Variants in ALK observed in about 807,000 individuals in gnomAD.
The protein encoded by ALK is ALK tyrosine kinase receptor.
Under a neutral mutation model 163.1 loss-of-function variants are expected in ALK, and 74 were observed. That is an observed-to-expected ratio of 0.45 (90% confidence interval 0.38 to 0.55). ALK has a LOEUF of 0.55. ALK is among the 20% of genes least tolerant of loss of function. ALK has a pLI of 0.00. For synonymous variants in ALK, 960 were observed against 843.2 expected, an observed-to-expected ratio of 1.14 and a Z score of -2.40; for missense variants, 2,063 against 2,105.3, an observed-to-expected ratio of 0.98 and a Z score of 0.39.
chr2:29,614,050 C>T (rs535663884), intron 3 of ALK, among the ~76,000 whole-genome samples: 3 of 152,260 alleles, frequency 2.0e-5, no homozygotes, highest in East Asian at 1.9e-4. Flanking sequence ...GGAGACTCAC[C>T]GGGGGCATCA....
intron 3 of ALK, among the ~76,000 whole-genome samples, chr2:29,677,670 A>C (rs1677926897): frequency 1.3e-5 from 2 of 152,072 alleles, no homozygotes; most frequent in Non-Finnish European, 2.9e-5. Flanking sequence ...ATCCGTTGCT[A>C]AATATGGTTT....
chr2:29,364,024 A>G (rs1668445605), intron 5 of ALK, among the ~76,000 whole-genome samples: 1 of 152,234 alleles, frequency 6.6e-6, no homozygotes, highest in East Asian at 1.9e-4. Flanking sequence ...GTGTCACCCA[A>G]CCTCACAGTT....
At chr2:29,195,055 G>A (rs763106089) in intron 28 of ALK, among the ~76,000 whole-genome samples, 1 of 152,146 alleles carries the variant, frequency 6.6e-6, no homozygotes, top group African/African-American at 2.4e-5. Flanking sequence ...AAAAACACGA[G>A]TGTTCGAGTT....
chr2:29,445,343 C>G (rs1427262153), intron 4 of ALK, among the ~76,000 whole-genome samples: 4 of 152,178 alleles, frequency 2.6e-5, no homozygotes, highest in Non-Finnish European at 1.5e-5. Flanking sequence ...CTATAAGCTG[C>G]TTATATTTTC....
At chr2:29,224,897 C>T (rs914002257) in intron 19 of ALK, among the ~76,000 whole-genome samples, 5 of 152,326 alleles carry the variant, frequency 3.3e-5, no homozygotes, top group Admixed American at 2.6e-4. Context: ...AAGCCTCTGC[C>T]CATCTGTCCT....
chr2:29,196,745 T>A (rs2148141640), intron 28 of ALK, 25 bp downstream of exon 28: 1 of 1,564,258 alleles, frequency 6.4e-7, no homozygotes, highest in Non-Finnish European at 8.8e-7. Flanking sequence ...GAGTAAATGT[T>A]GACCAAAGGG....
intron 3 of ALK, among the ~76,000 whole-genome samples, chr2:29,543,753 T>C (rs112684431): frequency 0.014 from 2,204 of 152,358 alleles, 24 homozygotes; most frequent in Middle Eastern, 0.031. Context: ...CTGGCCACTT[T>C]GTTTTTCCAT....
chr2:29,628,867 AG>A (rs1676275313), intron 3 of ALK, among the ~76,000 whole-genome samples: 1 of 152,240 alleles, frequency 6.6e-6, no homozygotes, highest in African/African-American at 2.4e-5. Context: ...ATACAGATTT[AG>A]CATGTTCAAG....
intron 19 of ALK, 133 bp downstream of exon 19, chr2:29,225,328 C>T (rs2148175949): frequency 2.3e-6 from 2 of 863,112 alleles, no homozygotes; most frequent in Non-Finnish European, 3.7e-6. Flanking sequence ...CTGGGCTGCC[C>T]TAATCACCAC....
intron 2 of ALK, among the ~76,000 whole-genome samples, chr2:29,696,392 G>A (rs1046385041): frequency 6.6e-6 from 1 of 151,974 alleles, no homozygotes; most frequent in Non-Finnish European, 1.5e-5. Flanking sequence ...CGAGGGGTGG[G>A]GGACTAGGGA....
intron 1 of ALK, among the ~76,000 whole-genome samples, chr2:29,836,367 G>T (rs568441625): frequency 6.6e-6 from 1 of 152,098 alleles, no homozygotes; most frequent in Non-Finnish European, 1.5e-5. Flanking sequence ...GTAGAGAGGG[G>T]CTCTCTGCTA....
intron 4 of ALK, among the ~76,000 whole-genome samples, chr2:29,496,172 T>C (rs1294254119): frequency 1.3e-5 from 2 of 152,246 alleles, no homozygotes; most frequent in African/African-American, 4.8e-5. Context: ...ATGCAAAAGA[T>C]TATAGCTATT....
intron 3 of ALK, among the ~76,000 whole-genome samples, chr2:29,649,425 T>G (rs916067029): frequency 1.3e-5 from 2 of 152,162 alleles, no homozygotes; most frequent in African/African-American, 2.4e-5. Flanking sequence ...GATCCTTGGT[T>G]GTTCTTTATG....
At chr2:29,890,096 T>G (rs1667106291) in intron 1 of ALK, among the ~76,000 whole-genome samples, 1 of 152,212 alleles carries the variant, frequency 6.6e-6, no homozygotes, top group African/African-American at 2.4e-5. Context: ...CTGCTGGGTC[T>G]TTAACCAGGC....
At chr2:29,682,157 G>A (rs1249399841) in intron 3 of ALK, among the ~76,000 whole-genome samples, 1 of 152,128 alleles carries the variant, frequency 6.6e-6, no homozygotes, top group Non-Finnish European at 1.5e-5. Context: ...TTAGGCTTTT[G>A]ATGGCAAAGA....
At chr2:29,222,469 A>G (rs760541864) in intron 21 of ALK, 48 bp downstream of exon 21, 5 of 1,612,834 alleles carry the variant, frequency 3.1e-6, no homozygotes, top group South Asian at 1.1e-5. Flanking sequence ...ACTGCAGCCT[A>G]CAGAGTCCGC....
At chr2:29,799,611 G>C (rs905924329) in intron 1 of ALK, among the ~76,000 whole-genome samples, 6 of 152,160 alleles carry the variant, frequency 3.9e-5, no homozygotes, top group African/African-American at 7.2e-5. Context: ...CTTGAGCCAG[G>C]AGTTCAAGGC....
At chr2:29,836,041 G>T (rs1032092853) in intron 1 of ALK, among the ~76,000 whole-genome samples, 5 of 152,048 alleles carry the variant, frequency 3.3e-5, no homozygotes, top group Admixed American at 3.3e-4. Context: ...TCATGCTGCA[G>T]CATGACAAAT....
intron 5 of ALK, among the ~76,000 whole-genome samples, chr2:29,378,282 G>C (rs892434002): frequency 2.0e-5 from 3 of 152,200 alleles, no homozygotes; most frequent in Non-Finnish European, 4.4e-5. Flanking sequence ...CCTTGGGCTG[G>C]TCAGTAATTT....
Sources: gnomAD v4.1 joint callset for allele counts (sites outside exome capture counted in the v4.1 genomes callset) on GRCh38, gnomAD v4.1.1 for gene constraint, MANE v1.5 for transcripts, NCBI Gene and HGNC (gene_info 2026-07-23, HGNC 2026-07-21) for gene names.